Variants in DEFB1 observed in about 807,000 individuals in gnomAD.
The protein encoded by DEFB1 is beta-defensin 1.
A neutral mutation model predicts 2.6 loss-of-function variants in DEFB1; 4 were observed. The observed-to-expected ratio is 1.53, with a 90% CI of 0.76 to 3.51. DEFB1 has a LOEUF of 3.51. DEFB1 is among the 30% of genes most tolerant of loss of function. The probability of loss-of-function intolerance (pLI) is 0.01; values close to 1 mark genes in which losing one functional copy is unlikely to be tolerated. For missense variants in DEFB1, 162 were observed against 76.9 expected, an observed-to-expected ratio of 2.11 and a Z score of -4.14; for synonymous variants, 56 against 28.5, an observed-to-expected ratio of 1.96 and a Z score of -3.07.
chr8:6,875,473 T>G (rs1014095457), intron 1 of DEFB1, among the ~76,000 whole-genome samples: 1 of 152,086 alleles, frequency 6.6e-6, no homozygotes, highest in Non-Finnish European at 1.5e-5. Context: ...AAACAGGTAT[T>G]TTACAAAAAA....
At chr8:6,874,917 G>T (rs1806464262) in intron 1 of DEFB1, among the ~76,000 whole-genome samples, 1 of 151,922 alleles carries the variant, frequency 6.6e-6, no homozygotes, top group Non-Finnish European at 1.5e-5. Flanking sequence ...GGGAGGGAGG[G>T]GTTGCGGTTA....
intron 1 of DEFB1, among the ~76,000 whole-genome samples, chr8:6,874,687 A>G (rs947422841): frequency 1.3e-5 from 2 of 152,212 alleles, no homozygotes. Context: ...AGTCTTATCA[A>G]CAGTTGGTTC....
Position 6,870,625 on chromosome 8 carries a change from A to T in DEFB1, c.*56T>A. On this transcript the variant is annotated 3_prime_UTR_variant, in exon 2 of 2. Transcript: ENST00000297439. ...AAAAGCAATTTTCCTTTATTAAAAG[A>T]ATGCTTATAAAAAGTTCATTTCACT... 2 of 1,578,280 alleles carry T rather than the reference A, an allele frequency of 1.3e-6. No homozygotes were observed. Among genetic ancestry groups the T allele is most frequent in the East Asian group, 2.2e-5 (1 of 44,600 alleles).
chr8:6,870,910 A>G lies in DEFB1; in HGVS notation c.62-84T>C, dbSNP rs1806288897. 13 of 1,415,740 alleles carry G rather than the reference A, an allele frequency of 9.2e-6. No homozygotes were observed. In the South Asian group the frequency reaches 1.5e-4, roughly 17 times the overall value. The allele number at this position is 1,415,740 out of a possible 1,614,324, so 87.7% of individuals were successfully genotyped here. On this transcript the variant is annotated intron_variant, in intron 1 of 1. Transcript: ENST00000297439. The stretch of plus-strand genomic sequence containing the variant: ...AACATCTCGCGAAAGCAGAACAAAT[A>G]ACTGCAAAACACCGGAGAGTCTTCT...
intron 1 of DEFB1, among the ~76,000 whole-genome samples, chr8:6,874,168 C>G (rs923917281): frequency 6.6e-6 from 1 of 151,250 alleles, no homozygotes; most frequent in African/African-American, 2.4e-5. Flanking sequence ...CACATGTGCA[C>G]TTTGTAGGTA....
At chr8:6,871,519 G>A (rs995766154) in intron 1 of DEFB1, among the ~76,000 whole-genome samples, 1 of 152,202 alleles carries the variant, frequency 6.6e-6, no homozygotes, top group Non-Finnish European at 1.5e-5. Context: ...CATGTTGCAA[G>A]TCTCCACTGG....
Position 6,877,839 on chromosome 8 carries a change from G to T in DEFB1, c.19C>A (p.Leu7Met). 1 of 1,614,058 alleles carries T rather than the reference G, an allele frequency of 6.2e-7. No homozygotes were observed. Among genetic ancestry groups the T allele is most frequent in the Non-Finnish European group, 8.5e-7 (1 of 1,179,948 alleles). MRTSYLLLFTLCLLLSE... is the reference protein window; with the variant it reads MRTSYLMLFTLCLLLSE... ...AAAAGTAAGCAGAGAGTAAACAGCA[G>T]AAGGTAGGAAGTTCTCATGGCGACT... Residue 7 changes from leucine to methionine, a missense_variant, in exon 1 of 2, where the codon CTG becomes ATG. Transcript: ENST00000297439.
chr8:6,872,587 A>G (rs543037325), intron 1 of DEFB1, among the ~76,000 whole-genome samples: 2 of 152,308 alleles, frequency 1.3e-5, no homozygotes, highest in South Asian at 2.1e-4. Flanking sequence ...TGAGAAAAGA[A>G]GAGTTTTTTT....
At chr8:6,876,560 C>G (rs1231095093) in intron 1 of DEFB1, among the ~76,000 whole-genome samples, 2 of 152,052 alleles carry the variant, frequency 1.3e-5, no homozygotes, top group African/African-American at 2.4e-5. Context: ...CTTTGGGAGT[C>G]TGAACTAGGA....
chr8:6,871,171 G>C (rs1584997180), intron 1 of DEFB1, among the ~76,000 whole-genome samples: 3 of 152,136 alleles, frequency 2.0e-5, no homozygotes, highest in Non-Finnish European at 4.4e-5. Context: ...ATCACATCCT[G>C]TGTTTTAGAA....
intron 1 of DEFB1, among the ~76,000 whole-genome samples, chr8:6,872,432 C>A (rs5743481): frequency 6.6e-6 from 1 of 152,064 alleles, no homozygotes; most frequent in African/African-American, 2.4e-5. Context: ...CACTGCAGAA[C>A]GTTTTATTCA....
At chr8:6,870,892 C>G (rs575429899) in intron 1 of DEFB1, 66 bp from the exon 2 acceptor site, 8 of 1,522,752 alleles carry the variant, frequency 5.3e-6, no homozygotes, top group African/African-American at 1.4e-5. Flanking sequence ...GAGAACATCT[C>G]GCGAAAGCAG....
chr8:6,875,753 G>A (rs915555339), intron 1 of DEFB1, among the ~76,000 whole-genome samples: 1 of 152,210 alleles, frequency 6.6e-6, no homozygotes, highest in Non-Finnish European at 1.5e-5. Context: ...ATCCGGTGAT[G>A]CAACTTTTCA....
chr8:6,872,839 A>G (rs974470499), intron 1 of DEFB1, among the ~76,000 whole-genome samples: 1 of 152,144 alleles, frequency 6.6e-6, no homozygotes, highest in Non-Finnish European at 1.5e-5. Context: ...GACTCTGCCA[A>G]AGTCTCCACT....
chr8:6,871,478 T>G (rs1341359230), intron 1 of DEFB1, among the ~76,000 whole-genome samples: 6 of 152,162 alleles, frequency 3.9e-5, no homozygotes, highest in African/African-American at 1.4e-4. Context: ...CAGTCGCCTG[T>G]GATATTCCTG....
chr8:6,874,895 T>A (rs1806463150), intron 1 of DEFB1, among the ~76,000 whole-genome samples: 1 of 151,418 alleles, frequency 6.6e-6, no homozygotes, highest in Admixed American at 6.6e-5. Flanking sequence ...GGCAGGAGAA[T>A]CCCTTGAACC....
rs566302471 is a variant in DEFB1, at chr8:6,876,991, T to A, written c.61+806A>T. On this transcript the variant is annotated intron_variant, in intron 1 of 1. Transcript: ENST00000297439. ...TAAGCCTATCTGCTGGATACAGTGATGGCCTAGAGAAACTTACAATAGGAT... is the reference window on the plus strand; with the variant it reads ...TAAGCCTATCTGCTGGATACAGTGAAGGCCTAGAGAAACTTACAATAGGAT... Among the ~76,000 whole-genome samples, 11 of 152,324 alleles carry A rather than the reference T, an allele frequency of 7.2e-5. No individual in the cohort carries two copies. In the East Asian group the frequency reaches 2.1e-3, roughly 29 times the overall value.
chr8:6,872,650 C>G (rs1438515561), intron 1 of DEFB1, among the ~76,000 whole-genome samples: 1 of 152,162 alleles, frequency 6.6e-6, no homozygotes, highest in African/African-American at 2.4e-5. Flanking sequence ...TCTCCCATCC[C>G]AGTACTCAGG....
intron 1 of DEFB1, among the ~76,000 whole-genome samples, chr8:6,874,478 A>G (rs181434779): frequency 1.3e-5 from 2 of 152,382 alleles, no homozygotes; most frequent in East Asian, 1.9e-4. Context: ...GCCAAGACAC[A>G]TTTGGAAAAA....
Sources: gnomAD v4.1 joint callset for allele counts (sites outside exome capture counted in the v4.1 genomes callset) on GRCh38, gnomAD v4.1.1 for gene constraint, MANE v1.5 for transcripts, NCBI Gene and HGNC (gene_info 2026-07-23, HGNC 2026-07-21) for gene names.